The following ZC3H13 variants were observed in gnomAD, a reference collection of about 807,000 sequenced individuals.
ZC3H13 encodes zinc finger CCCH domain-containing protein 13.
Under a neutral mutation model 204.1 loss-of-function variants are expected in ZC3H13, and 64 were observed. The observed-to-expected ratio is 0.31, with a 90% CI of 0.26 to 0.39. The LOEUF (loss-of-function observed/expected upper bound fraction) is 0.39. Among genes scored for constraint, ZC3H13 ranks in the 10% least tolerant of loss-of-function variants. The pLI is 1.00. For missense variants in ZC3H13, 1,833 were observed against 2,082.7 expected, an observed-to-expected ratio of 0.88 and a Z score of 2.33; for synonymous variants, 667 against 693.7, an observed-to-expected ratio of 0.96 and a Z score of 0.60.
intron 8 of ZC3H13, among the ~76,000 whole-genome samples, chr13:46,002,235 T>C (rs913457406): frequency 6.6e-6 from 1 of 152,128 alleles, no homozygotes; most frequent in Non-Finnish European, 1.5e-5. Flanking sequence ...TAAACACACC[T>C]ATTCGAATGG....
At chr13:46,040,883 T>A (rs1439720708) in intron 4 of ZC3H13, among the ~76,000 whole-genome samples, 1 of 152,138 alleles carries the variant, frequency 6.6e-6, no homozygotes, top group African/African-American at 2.4e-5. Flanking sequence ...CACAGTTAGA[T>A]CATCATTTCA....
At chr13:45,974,580 G>T (rs892257756) in intron 12 of ZC3H13, among the ~76,000 whole-genome samples, 2 of 152,158 alleles carry the variant, frequency 1.3e-5, no homozygotes, top group Non-Finnish European at 2.9e-5. Flanking sequence ...TGACCCCAAA[G>T]AACTACTCCA....
rs1566164997 is a variant in ZC3H13 at position 45,969,482 on chromosome 13, G to A, written c.3062C>T (p.Ala1021Val). 1.9e-6 allele frequency: 3 copies of A among 1,609,960 alleles called. No individual in the cohort carries two copies. Among genetic ancestry groups the A allele is most frequent in the Non-Finnish European group, 2.5e-6 (3 of 1,179,036 alleles). The change falls in exon 14 of 19, where the codon GCA becomes GTA. Residue 1021 changes from alanine to valine, a missense_variant. Around this residue, in one of 5 missense-constraint regions of ZC3H13, gnomAD observed 1,574 missense variants for 1,757.2 expected, o/e 0.90. Coordinates refer to ENST00000679008, the MANE Select transcript of ZC3H13 (RefSeq NM_001330564.2). ...TCTTTTCTTCTTACTTTGCTGGGCT[G>A]CTTCTTCATCAGAAATATCAGAATC... is the stretch of plus-strand genomic sequence containing the variant. ...KGDSDISDEE[A>V]AQQSKKKRGP...
intron 8 of ZC3H13, among the ~76,000 whole-genome samples, chr13:45,996,683 C>A (rs2040357568): frequency 6.6e-6 from 1 of 151,578 alleles, no homozygotes; most frequent in South Asian, 2.1e-4. Context: ...GTTCGAGTAA[C>A]CCTTATTTTA....
At chr13:46,035,116 T>C (rs1489164025) in intron 4 of ZC3H13, among the ~76,000 whole-genome samples, 1 of 152,136 alleles carries the variant, frequency 6.6e-6, no homozygotes, top group Non-Finnish European at 1.5e-5. Context: ...TGTCTCAGAA[T>C]ACTAACCCTT....
chr13:45,959,860 C>T (rs901864354), intron 17 of ZC3H13, among the ~76,000 whole-genome samples: 1 of 152,032 alleles, frequency 6.6e-6, no homozygotes, highest in African/African-American at 2.4e-5. Flanking sequence ...CTGATAGCCA[C>T]TTTAAATTTA....
rs747561633 is a variant in ZC3H13, at chr13:46,003,178, C to T, written c.905G>A (p.Arg302Gln). The T allele has an allele frequency of 6.8e-6, 11 of 1,612,214 alleles. No homozygotes were observed. Among genetic ancestry groups the T allele is most frequent in the East Asian group, 4.5e-5 (2 of 44,814 alleles). The change falls in exon 8 of 19, where the codon CGA becomes CAA. Residue 302 changes from arginine (R) to glutamine (Q), a missense_variant. Transcript: ENST00000679008. Reference protein sequence around the residue: ...EKTRDGKDRGRDFERQREKRD... With the variant: ...EKTRDGKDRGQDFERQREKRD... Reference sequence around the variant, plus strand: ...CTTTTCTCTTTGTCGTTCAAAATCTCGTCCTCTGTCCTTTCCATCTCTTGT... The same window carrying T: ...CTTTTCTCTTTGTCGTTCAAAATCTTGTCCTCTGTCCTTTCCATCTCTTGT...
At chr13:46,019,970 T>G (rs1308914727) in intron 5 of ZC3H13, among the ~76,000 whole-genome samples, 1 of 152,096 alleles carries the variant, frequency 6.6e-6, no homozygotes, top group Non-Finnish European at 1.5e-5. Flanking sequence ...GAAAAAAAAT[T>G]TTTTTGCTAA....
At chr13:45,990,211 T>C (rs1175513420) in intron 8 of ZC3H13, among the ~76,000 whole-genome samples, 1 of 152,098 alleles carries the variant, frequency 6.6e-6, no homozygotes, top group Admixed American at 6.6e-5. Context: ...GTAGCATCCC[T>C]CCCATTCCAA....
intron 8 of ZC3H13, among the ~76,000 whole-genome samples, chr13:46,002,398 C>T (rs941844398): frequency 6.6e-6 from 1 of 152,108 alleles, no homozygotes; most frequent in Non-Finnish European, 1.5e-5. Context: ...TCATATGACC[C>T]AGCAATTCTA....
chr13:45,964,401 T>C (rs1017436908), intron 16 of ZC3H13, among the ~76,000 whole-genome samples: 11 of 152,246 alleles, frequency 7.2e-5, no homozygotes, highest in African/African-American at 2.7e-4. Flanking sequence ...TAGGAGTACA[T>C]GTGTTTGCAG....
chr13:46,007,319 A>G (rs2041225831), intron 7 of ZC3H13, among the ~76,000 whole-genome samples: 1 of 152,204 alleles, frequency 6.6e-6, no homozygotes, highest in Non-Finnish European at 1.5e-5. Context: ...ATGCCAGGCA[A>G]TTGTAAACTA....
In ZC3H13 at chr13:46,045,438, G is replaced by A; in HGVS notation, c.70C>T (p.Pro24Ser). Residue 24 changes from proline (P) to serine (S), a missense_variant, in exon 2 of 19, where the codon CCC (proline) becomes TCC (serine). Around this residue, in one of 5 missense-constraint regions of ZC3H13, gnomAD observed 24 missense variants for 27.6 expected, o/e 0.87. Transcript: ENST00000679008. Reference sequence around the variant, plus strand: ...GGTCCAAGCCTCTCAAATACACTGGGTCTTCGGGATGTGCTATCAGATATA... The same window carrying A: ...GGTCCAAGCCTCTCAAATACACTGGATCTTCGGGATGTGCTATCAGATATA... Reference protein sequence around the residue: ...KTISDSTSRRPSVFERLGPST... With the variant: ...KTISDSTSRRSSVFERLGPST... 1 of 1,614,016 alleles carries A rather than the reference G, an allele frequency of 6.2e-7. No homozygotes were observed. Among genetic ancestry groups the A allele is most frequent in the Non-Finnish European group, 8.5e-7 (1 of 1,179,980 alleles).
At position 45,975,621 on chromosome 13, in the gene ZC3H13, C is replaced by T. The variant is rs749546385; in HGVS notation, c.2130G>A (p.Glu710=). ...TTTCTCTCTCCCGTTCCCTAGCACG[C>T]TCTCTTTCTAGTTCTCTCTCTTTTT... ...EREKERELER[E]RARERERERE... Residue 710 remains glutamate, a synonymous_variant, in exon 12 of 19, where the codon GAG becomes GAA. Transcript: ENST00000679008. 2 of 1,576,486 alleles carry T rather than the reference C, an allele frequency of 1.3e-6. No homozygotes were observed. Among genetic ancestry groups the T allele is most frequent in the South Asian group, 2.3e-5 (2 of 87,466 alleles).
chr13:46,025,837 G>C (rs912133022), intron 4 of ZC3H13, among the ~76,000 whole-genome samples: 2 of 151,326 alleles, frequency 1.3e-5, no homozygotes, highest in Non-Finnish European at 2.9e-5. Context: ...AAAAGATTAG[G>C]GTTTTCGACC....
rs749224666 is a variant in ZC3H13, at chr13:45,975,330, G to A, written c.2421C>T (p.Ile807=). 1.6e-5 allele frequency: 26 copies of A among 1,613,772 alleles called. No individual in the cohort carries two copies. In the South Asian group the frequency reaches 2.7e-4, roughly 17 times the overall value. Residue 807 remains isoleucine (I), a synonymous_variant, in exon 12 of 19, where the codon ATC becomes ATT. Coordinates refer to ENST00000679008, the MANE Select transcript of ZC3H13 (RefSeq NM_001330564.2). ...RDDRREKREE[I]REDRNPRDGH... Reference sequence around the variant, plus strand: ...CATCTCTTGGATTCCTATCTTCTCGGATCTCTTCTCGCTTTTCTCTGCGGT... The same window carrying A: ...CATCTCTTGGATTCCTATCTTCTCGAATCTCTTCTCGCTTTTCTCTGCGGT...
chr13:46,027,780 G>A (rs536178815), intron 4 of ZC3H13, among the ~76,000 whole-genome samples: 1 of 151,886 alleles, frequency 6.6e-6, no homozygotes, highest in Non-Finnish European at 1.5e-5. Flanking sequence ...TAAACTCTAG[G>A]GTAACCACCA....
chr13:45,972,777 GA>G (rs1305306737), intron 12 of ZC3H13, among the ~76,000 whole-genome samples: 5 of 152,318 alleles, frequency 3.3e-5, no homozygotes, highest in African/African-American at 1.2e-4. Flanking sequence ...GACTTGCTAT[GA>G]CAAGAGAATG....
intron 4 of ZC3H13, among the ~76,000 whole-genome samples, chr13:46,029,906 G>C (rs1244474131): frequency 6.6e-6 from 1 of 152,100 alleles, no homozygotes; most frequent in East Asian, 1.9e-4. Flanking sequence ...ATGGAAATCT[G>C]CTTGACTGAA....
Sources: gnomAD v4.1 joint callset for allele counts (sites outside exome capture counted in the v4.1 genomes callset) on GRCh38, gnomAD v4.1.1 for gene constraint, gnomAD v4.1.1 regional missense constraint, MANE v1.5 for transcripts, NCBI Gene and HGNC (gene_info 2026-07-23, HGNC 2026-07-21) for gene names.